CHIC1: variants seen among roughly 807,000 people sequenced by gnomAD.
CHIC1 encodes the protein cysteine-rich hydrophobic domain-containing protein 1.
A neutral mutation model predicts 18.5 loss-of-function variants in CHIC1; 7 were observed. The observed-to-expected ratio is 0.38, with a 90% CI of 0.22 to 0.71. CHIC1 has a LOEUF of 0.71. Among genes scored for constraint, CHIC1 ranks in the 30% least tolerant of loss-of-function variants. The pLI is 0.49. For missense variants in CHIC1, 159 were observed against 176.9 expected, an observed-to-expected ratio of 0.90 and a Z score of 0.57; for synonymous variants, 77 against 73.5, an observed-to-expected ratio of 1.05 and a Z score of -0.25.
intron 1 of CHIC1, among the ~76,000 whole-genome samples, chrX:73,573,970 A>G (rs1007066610): frequency 1.8e-5 from 2 of 109,864 alleles, no homozygotes; most frequent in African/African-American, 6.6e-5. Flanking sequence ...CTATGTTGAA[A>G]AGGAGTGGTG....
intron 2 of CHIC1, among the ~76,000 whole-genome samples, chrX:73,581,452 G>A (rs1313551230): frequency 9.0e-6 from 1 of 110,571 alleles, no homozygotes; most frequent in African/African-American, 3.3e-5. Flanking sequence ...GAAAGTAAAT[G>A]AGTAAAATGT....
chrX:73,564,791 GTT>G (rs370930878), intron 1 of CHIC1, among the ~76,000 whole-genome samples: 1 of 58,389 alleles, frequency 1.7e-5, no homozygotes, highest in African/African-American at 7.8e-5. Flanking sequence ...AACATGTTGA[GTT>G]TTTTTTTTTT....
intron 3 of CHIC1, among the ~76,000 whole-genome samples, chrX:73,672,714 T>C (rs1290249450): frequency 8.9e-6 from 1 of 112,246 alleles, no homozygotes; most frequent in African/African-American, 3.2e-5. Flanking sequence ...ATTCTGTAGG[T>C]TGCCTGTTCA....
intron 3 of CHIC1, among the ~76,000 whole-genome samples, chrX:73,608,159 C>T (rs2147573324): frequency 9.2e-6 from 1 of 109,243 alleles, no homozygotes; most frequent in African/African-American, 3.5e-5. Context: ...GTTGAGAAGA[C>T]ATACTTTCTC....
At chrX:73,673,463 C>T (rs980874015) in intron 3 of CHIC1, among the ~76,000 whole-genome samples, 5 of 111,785 alleles carry the variant, frequency 4.5e-5, no homozygotes, top group Non-Finnish European at 9.4e-5. Flanking sequence ...AGGTCCTTCA[C>T]TTCCCTTGTA....
At chrX:73,622,021 C>G (rs1253774430) in intron 3 of CHIC1, among the ~76,000 whole-genome samples, 1 of 112,087 alleles carries the variant, frequency 8.9e-6, no homozygotes, top group South Asian at 3.7e-4. Flanking sequence ...TATGCTGAAC[C>G]AGCCTTGCAC....
At chrX:73,626,386 T>C (rs1461955836) in intron 3 of CHIC1, among the ~76,000 whole-genome samples, 1 of 111,544 alleles carries the variant, frequency 9.0e-6, no homozygotes, top group East Asian at 2.8e-4. Flanking sequence ...TGAATAAACT[T>C]ACTACTTCTG....
At chrX:73,672,054 A>G in intron 3 of CHIC1, among the ~76,000 whole-genome samples, 1 of 111,460 alleles carries the variant, frequency 9.0e-6, no homozygotes, top group Non-Finnish European at 1.9e-5. Context: ...TTTGCTGAGA[A>G]TGATGGTTTC....
intron 1 of CHIC1, among the ~76,000 whole-genome samples, chrX:73,577,105 A>G (rs1307432999): frequency 9.0e-6 from 1 of 110,664 alleles, no homozygotes; most frequent in African/African-American, 3.2e-5. Flanking sequence ...TCTCAGTTAA[A>G]AATGGACACT....
intron 3 of CHIC1, among the ~76,000 whole-genome samples, chrX:73,612,426 T>G (rs917192199): frequency 2.7e-5 from 3 of 112,114 alleles, no homozygotes; most frequent in Admixed American, 9.5e-5. Context: ...CTATTTTTTG[T>G]TGTTGTTGTA....
At chrX:73,660,670 C>G (rs903261331) in intron 3 of CHIC1, among the ~76,000 whole-genome samples, 10 of 110,856 alleles carry the variant, frequency 9.0e-5, no homozygotes, top group African/African-American at 3.3e-4. Flanking sequence ...TCGTCTGGGT[C>G]TGCAGATCCT....
At chrX:73,566,760 G>C (rs933304071) in intron 1 of CHIC1, among the ~76,000 whole-genome samples, 11 of 111,086 alleles carry the variant, frequency 9.9e-5, no homozygotes, top group African/African-American at 3.3e-4. Context: ...CTAAATTACT[G>C]GACATCTTTC....
intron 3 of CHIC1, among the ~76,000 whole-genome samples, chrX:73,589,102 T>G (rs1463673373): frequency 9.1e-6 from 1 of 110,429 alleles, no homozygotes. Context: ...TCTTTTTAGT[T>G]CCATAAGGTC....
chrX:73,621,650 A>G (rs1270575357), intron 3 of CHIC1, among the ~76,000 whole-genome samples: 1 of 112,127 alleles, frequency 8.9e-6, no homozygotes, highest in Non-Finnish European at 1.9e-5. Context: ...AACAGAGGCA[A>G]TTTGACTTCC....
intron 2 of CHIC1, among the ~76,000 whole-genome samples, chrX:73,582,623 T>A (rs746778996): frequency 1.6e-4 from 18 of 110,788 alleles, no homozygotes; most frequent in Admixed American, 1.1e-3. Flanking sequence ...CAGGTGAGAC[T>A]TCATGCAGAA....
chrX:73,650,755 C>A, intron 3 of CHIC1, among the ~76,000 whole-genome samples: 1 of 107,306 alleles, frequency 9.3e-6, no homozygotes. Flanking sequence ...CGAAATCTAC[C>A]AGAAGTACAA....
At position 73,608,316 on chromosome X, in the gene CHIC1, T is replaced by C. The variant is rs972389534; in HGVS notation, c.507+23744T>C. ...TGATCACTTGAGCTTTGTAGTAAAT[T>C]ATTAAATCAGAAGATGTGAGTCTTC... On this transcript the variant is annotated intron_variant, in intron 3 of 5. Transcript: ENST00000373502. 8.4e-4 allele frequency among the ~76,000 whole-genome samples: 92 copies of C among 109,415 alleles called. 6 individuals are homozygous for C. Among genetic ancestry groups the C allele is most frequent in the African/African-American group, 3.2e-3 (90 of 28,231 alleles).
At chrX:73,633,162 A>T (rs1406758957) in intron 3 of CHIC1, among the ~76,000 whole-genome samples, 1 of 110,886 alleles carries the variant, frequency 9.0e-6, no homozygotes, top group East Asian at 2.8e-4. Context: ...TTTTATTTCA[A>T]CTTGAAAAAC....
chrX:73,673,657 A>G (rs1315769438), intron 3 of CHIC1, among the ~76,000 whole-genome samples: 2 of 111,797 alleles, frequency 1.8e-5, no homozygotes, highest in Non-Finnish European at 3.8e-5. Context: ...GGCTGAGACG[A>G]TGTGGTTTTC....
Sources: gnomAD v4.1 joint callset for allele counts (sites outside exome capture counted in the v4.1 genomes callset) on GRCh38, gnomAD v4.1.1 for gene constraint, MANE v1.5 for transcripts, NCBI Gene and HGNC (gene_info 2026-07-23, HGNC 2026-07-21) for gene names.